The following IRF4 variants were observed in gnomAD, a reference collection of about 807,000 sequenced individuals.
IRF4 encodes interferon regulatory factor 4, also known as lymphocyte-specific interferon regulatory factor.
Under a neutral mutation model 55.5 loss-of-function variants are expected in IRF4, and 13 were observed. The ratio of observed to expected loss-of-function variants is 0.23; its 90% CI spans 0.15 to 0.37. The LOEUF (loss-of-function observed/expected upper bound fraction) is 0.37, where lower values mean the gene tolerates loss of function less well. IRF4 is among the 10% of genes least tolerant of loss of function. The pLI is 1.00. For synonymous variants in IRF4, 249 were observed against 240.7 expected (o/e 1.03, Z -0.32); for missense variants, 397 against 593.8 (o/e 0.67, Z 3.44).
At position 410,748 on chromosome 6, in the gene IRF4, C is replaced by T. The variant is rs1398236748; in HGVS notation, c.*3150C>T. 1 of 231,714 alleles carries T rather than the reference C, an allele frequency of 4.3e-6. No individual in the cohort carries two copies. Among genetic ancestry groups the T allele is most frequent in the Non-Finnish European group, 8.5e-6 (1 of 117,052 alleles). The allele number at this position is 231,714 out of a possible 1,614,324, so 14.4% of individuals were successfully genotyped here. A position where few individuals can be genotyped will look rare whatever the true frequency, so the allele number is the denominator to read the frequency against. ...CGTTCATTGCTCTCCAGTCACATGC[C>T]CCCACTTCCCCACAGGTGAAAGTTT... On this transcript the variant is annotated 3_prime_UTR_variant, in exon 9 of 9. Transcript: ENST00000380956.
intron 6 of IRF4, among the ~76,000 whole-genome samples, chr6:400,497 C>T (rs141143477): frequency 1.3e-4 from 20 of 152,250 alleles, no homozygotes; most frequent in Non-Finnish European, 2.9e-4. Context: ...AAACACAAAG[C>T]CCAGTGGGAA....
chr6:399,847 G>A (rs1761355106), intron 6 of IRF4, among the ~76,000 whole-genome samples: 1 of 152,172 alleles, frequency 6.6e-6, no homozygotes, highest in South Asian at 2.1e-4. Context: ...TTTTTTCTGA[G>A]GTGCTCGTGA....
Position 407,629 on chromosome 6 carries a change from CTTTTTTTT to C in IRF4, c.*43_*50del, listed in dbSNP as rs566047868. The C allele has an allele frequency of 1.3e-5, 17 of 1,284,862 alleles. No individual in the cohort carries two copies. The highest frequency in any genetic ancestry group is 3.3e-5 in the African/African-American group (2 of 60,848). The allele number at this position is 1,284,862 out of a possible 1,614,324, so 79.6% of individuals were successfully genotyped here. ...GTCAAGATGAGTGGTTTTCTTTTTC[CTTTTTTTT>C]TTTTTTTTTTTGATACGGGGATACG... On this transcript the variant is annotated 3_prime_UTR_variant, in exon 9 of 9. Coordinates refer to ENST00000380956, the MANE Select transcript of IRF4 (RefSeq NM_002460.4).
intron 1 of IRF4, 119 bp from the exon 2 acceptor site, chr6:392,979 A>G (rs1203039053): frequency 5.1e-6 from 3 of 585,402 alleles, no homozygotes; most frequent in Non-Finnish European, 8.6e-6. Flanking sequence ...CTGACACGGC[A>G]CGCGCGCGCT....
chr6:405,824 T>G (rs1487941921), intron 8 of IRF4, among the ~76,000 whole-genome samples: 1 of 152,230 alleles, frequency 6.6e-6, no homozygotes, highest in African/African-American at 2.4e-5. Context: ...ATAGATAACA[T>G]GAAGCATTAA....
intron 4 of IRF4, 55 bp downstream of exon 4, chr6:395,990 C>A: frequency 7.1e-7 from 1 of 1,411,056 alleles, no homozygotes; most frequent in Non-Finnish European, 9.9e-7. Flanking sequence ...GCCAGCTGCC[C>A]ACATGGCCAG....
At position 410,679 on chromosome 6, in the gene IRF4, G is replaced by A. The variant is rs193183521; in HGVS notation, c.*3081G>A. ...CCAGGAAGGCCACTTGTGTGTGCGT[G>A]TCAGTTACTTTTTTAGTAACAATTC... On this transcript the variant is annotated 3_prime_UTR_variant, in exon 9 of 9. Coordinates refer to ENST00000380956, the MANE Select transcript of IRF4 (RefSeq NM_002460.4). 1 of 231,922 alleles carries A rather than the reference G, an allele frequency of 4.3e-6. No individual in the cohort carries two copies. The highest frequency in any genetic ancestry group is 2.2e-5 in the African/African-American group (1 of 45,390). The allele number at this position is 231,922 out of a possible 1,614,324, so 14.4% of individuals were successfully genotyped here.
chr6:410,520 C>T lies in IRF4; in HGVS notation c.*2922C>T, dbSNP rs1761671594. 2 of 228,620 alleles carry T rather than the reference C, an allele frequency of 8.7e-6. No homozygotes were observed. Among genetic ancestry groups the T allele is most frequent in the South Asian group, 1.8e-4 (1 of 5,486 alleles). 14.2% of individuals were successfully genotyped at this position (228,620 alleles called of 1,614,324 possible). ...ATGAGCAGCCCTTACAGTATTGTTA[C>T]CACCAAGGGCAGGTAGGTATTAGTG... On this transcript the variant is annotated 3_prime_UTR_variant, in exon 9 of 9. Coordinates refer to ENST00000380956, the MANE Select transcript of IRF4 (RefSeq NM_002460.4).
At chr6:396,048 C>T in intron 4 of IRF4, 113 bp downstream of exon 4, 3 of 760,102 alleles carry the variant, frequency 3.9e-6, no homozygotes, top group African/African-American at 1.8e-5. Context: ...GCTATGGCTG[C>T]TCCAACAGCC....
intron 6 of IRF4, among the ~76,000 whole-genome samples, chr6:401,178 G>A (rs1423642112): frequency 1.3e-5 from 2 of 152,248 alleles, no homozygotes; most frequent in South Asian, 2.1e-4. Context: ...GGTTTAGACA[G>A]ATTAAATGGG....
rs1300046652 is a variant in IRF4 at position 395,000 on chromosome 6, CA to C, written c.402del (p.Gly135GlufsTer14). 1.0e-5 allele frequency: 16 copies of C among 1,587,830 alleles called. No individual in the cohort carries two copies. The highest frequency in any genetic ancestry group is 5.5e-5 in the Admixed American group (3 of 54,760). On this transcript the variant is annotated frameshift_variant, in exon 3 of 9. Coordinates refer to ENST00000380956, the MANE Select transcript of IRF4 (RefSeq NM_002460.4). LOFTEE classifies it high-confidence loss of function. ...TGTACAGGATTGTTCCTGAGGGAGC[CA>C]AAAAAGGTAGGGGCTCTCCTGAATT... ...KVYRIVPEGA[K>X]KGAKQLTLED...
chr6:405,548 G>T (rs955351160), intron 8 of IRF4, among the ~76,000 whole-genome samples: 1 of 152,206 alleles, frequency 6.6e-6, no homozygotes, highest in African/African-American at 2.4e-5. Context: ...TCCCAAATGA[G>T]AAACTATCCA....
intron 8 of IRF4, 91 bp from the exon 9 acceptor site, chr6:407,364 C>A: frequency 1.6e-6 from 2 of 1,235,518 alleles, no homozygotes; most frequent in Non-Finnish European, 2.3e-6. Flanking sequence ...TTGGGCTTTA[C>A]GTTACTGTCT....
At chr6:397,342 C>T (rs1484675695) in intron 5 of IRF4, 90 bp downstream of exon 5, 5 of 1,465,608 alleles carry the variant, frequency 3.4e-6, no homozygotes, top group Non-Finnish European at 4.7e-6. Context: ...TGGGCAGCAC[C>T]AAAGCTCTTT....
At chr6:406,689 TG>T in intron 8 of IRF4, 1 of 645,020 alleles carries the variant, frequency 1.6e-6, no homozygotes. Flanking sequence ...CGAGGCTGCG[TG>T]GTCCATAAAA....
rs919930782 is a variant in IRF4, at chr6:411,117, G to A, written c.*3519G>A. ...CAACCCTCCTCCAATGGAAATTCCC[G>A]TGTTGCTTCAAACTGAGACAGATGG... On this transcript the variant is annotated 3_prime_UTR_variant, in exon 9 of 9. Coordinates refer to ENST00000380956, the MANE Select transcript of IRF4 (RefSeq NM_002460.4). 6.9e-5 allele frequency: 16 copies of A among 233,066 alleles called. No homozygotes were observed. The highest frequency in any genetic ancestry group is 3.9e-4 in the Admixed American group (7 of 17,772). The allele number at this position is 233,066 out of a possible 1,614,324, so 14.4% of individuals were successfully genotyped here.
chr6:394,818 C>T lies in IRF4; in HGVS notation c.217-3C>T. On this transcript the variant is annotated splice_region_variant and splice_polypyrimidine_tract_variant and intron_variant, in intron 2 of 8. Coordinates refer to ENST00000380956, the MANE Select transcript of IRF4 (RefSeq NM_002460.4). The stretch of plus-strand genomic sequence containing the variant: ...TTTCGTTCTCTTCATTCTTTCCCAC[C>T]AGGCTTGGGCACTGTTTAAAGGAAA... 2 of 1,606,076 alleles carry T rather than the reference C, an allele frequency of 1.2e-6. No individual in the cohort carries two copies. The highest frequency in any genetic ancestry group is 1.7e-5 in the Admixed American group (1 of 57,354).
At position 408,346 on chromosome 6, in the gene IRF4, C is replaced by A. The variant is rs1364548838; in HGVS notation, c.*748C>A. 2.6e-5 allele frequency: 6 copies of A among 231,844 alleles called. No homozygotes were observed. The highest frequency in any genetic ancestry group is 5.1e-5 in the Non-Finnish European group (6 of 117,108). The allele number at this position is 231,844 out of a possible 1,614,324, so 14.4% of individuals were successfully genotyped here. On this transcript the variant is annotated 3_prime_UTR_variant, in exon 9 of 9. Coordinates refer to ENST00000380956, the MANE Select transcript of IRF4 (RefSeq NM_002460.4). ...TGTAGCCTTGGGGAGGCCCATCCCC[C>A]ACCTGCCAGCGGTTTCCTGGTGTGG... is the stretch of plus-strand genomic sequence containing the variant.
chr6:398,665 C>T (rs1009839907), intron 5 of IRF4, among the ~76,000 whole-genome samples, 163 bp from the exon 6 acceptor site: 7 of 152,250 alleles, frequency 4.6e-5, no homozygotes, highest in African/African-American at 1.7e-4. Context: ...TCATCTTTGC[C>T]TCACAAGAGC....
Sources: allele counts gnomAD v4.1 joint callset (sites outside exome capture counted in the v4.1 genomes callset), GRCh38; gene constraint gnomAD v4.1.1; transcripts MANE v1.5; gene names NCBI Gene and HGNC (gene_info 2026-07-23, HGNC 2026-07-21).